KNDC1: variants seen among roughly 807,000 people sequenced by gnomAD.
KNDC1 encodes kinase non-catalytic C-lobe domain containing 1, also known as kinase non-catalytic C-lobe domain-containing protein 1.
In KNDC1, 106 loss-of-function variants were observed where a neutral mutation model predicts 172.8. The observed-to-expected ratio is 0.61, with a 90% CI of 0.52 to 0.72. KNDC1 has a LOEUF of 0.72. Among genes scored for constraint, KNDC1 ranks in the 30% least tolerant of loss-of-function variants. The pLI, the probability that KNDC1 is intolerant of heterozygous loss-of-function variation, is 0.00. For synonymous variants in KNDC1, 1,083 were observed against 1,062.2 expected, an observed-to-expected ratio of 1.02 and a Z score of -0.38; for missense variants, 2,325 against 2,394.5, an observed-to-expected ratio of 0.97 and a Z score of 0.61.
chr10:133,192,505 T>G (rs1452939969), intron 9 of KNDC1, among the ~76,000 whole-genome samples: 1 of 152,214 alleles, frequency 6.6e-6, no homozygotes, highest in Non-Finnish European at 1.5e-5. Flanking sequence ...ACTTTAAAAT[T>G]TTTAAAGCAA....
At chr10:133,176,769 G>A (rs778513333) in intron 3 of KNDC1, among the ~76,000 whole-genome samples, 4 of 152,188 alleles carry the variant, frequency 2.6e-5, no homozygotes, top group African/African-American at 9.7e-5. Flanking sequence ...CCTGGAGACC[G>A]GGGCTGTGCT....
chr10:133,161,705 A>G (rs1194772022), intron 1 of KNDC1, among the ~76,000 whole-genome samples: 6 of 152,082 alleles, frequency 3.9e-5, no homozygotes, highest in Non-Finnish European at 5.9e-5. Context: ...AGGGGAGGCA[A>G]TAAAGCTTCC....
At chr10:133,188,765 C>T (rs1277475379) in intron 7 of KNDC1, 112 bp downstream of exon 7, 3 of 586,388 alleles carry the variant, frequency 5.1e-6, no homozygotes, top group African/African-American at 2.8e-5. Context: ...GTCCCACGCC[C>T]CCCCACTGTC....
At chr10:133,170,309 G>A (rs1045279565) in intron 3 of KNDC1, among the ~76,000 whole-genome samples, 11 of 152,216 alleles carry the variant, frequency 7.2e-5, no homozygotes, top group African/African-American at 2.4e-4. Context: ...AGAACACGGT[G>A]TGAGGATCGC....
intron 14 of KNDC1, 82 bp downstream of exon 14, chr10:133,199,348 T>C: frequency 6.4e-7 from 1 of 1,559,112 alleles, no homozygotes; most frequent in Non-Finnish European, 8.7e-7. Context: ...CCCACGCCCT[T>C]CCCCCAGCCC....
chr10:133,171,426 A>G (rs1348907814), intron 3 of KNDC1, among the ~76,000 whole-genome samples: 2 of 151,976 alleles, frequency 1.3e-5, no homozygotes, highest in Non-Finnish European at 2.9e-5. Flanking sequence ...GTGCACCACC[A>G]TGTCCAGCTA....
chr10:133,185,841 G>GGGGAGGGGAGGGGT, intron 5 of KNDC1, 133 bp from the exon 6 acceptor site: 1 of 70,818 alleles, frequency 1.4e-5, no homozygotes, highest in South Asian at 1.2e-4. Context: ...GGGGAGGAGA[G>GGGGAGGGGAGGGGT]GGGAGGGGAG....
chr10:133,190,993 G>A (rs1213065106), intron 9 of KNDC1, among the ~76,000 whole-genome samples: 1 of 152,238 alleles, frequency 6.6e-6, no homozygotes, highest in African/African-American at 2.4e-5. Context: ...CACAAGCACA[G>A]AGTCAGAAAA....
At position 133,211,831 on chromosome 10, in the gene KNDC1, G is replaced by A. The variant is rs769439044; in HGVS notation, c.4209G>A (p.Arg1403=). ...DARPFNALCK[R]LSEDGISRKS... is the part of the protein sequence containing the mutation. ...GACCCTTCAACGCCCTCTGTAAGAG[G>A]CTCTCAGAGGACGGCATCTCCAGGA... is the stretch of plus-strand genomic sequence containing the variant. Residue 1403 remains arginine, a synonymous_variant, in exon 23 of 30, where the codon AGG becomes AGA. Transcript: ENST00000304613. 6 of 1,608,788 alleles carry A rather than the reference G, an allele frequency of 3.7e-6. No individual in the cohort carries two copies. Among genetic ancestry groups the A allele is most frequent in the Non-Finnish European group, 2.5e-6 (3 of 1,178,890 alleles).
chr10:133,199,711 A>T, intron 15 of KNDC1, 109 bp downstream of exon 15: 1 of 1,259,636 alleles, frequency 7.9e-7, no homozygotes, highest in South Asian at 1.4e-5. Context: ...CTCCGCTTCC[A>T]TCTCGCTGCT....
chr10:133,198,204 C>A (rs1854247179), intron 12 of KNDC1, 133 bp from the exon 13 acceptor site: 9 of 1,072,546 alleles, frequency 8.4e-6, no homozygotes, highest in Non-Finnish European at 1.2e-5. Context: ...ACAGAGGAAG[C>A]CCCCAGGGCC....
At position 133,186,177 on chromosome 10, in the gene KNDC1, G is replaced by A; in HGVS notation, c.829G>A (p.Gly277Arg). 6.3e-7 allele frequency: 1 copy of A among 1,576,660 alleles called. No individual in the cohort carries two copies. The change falls in exon 6 of 30, where the codon GGG becomes AGG. Residue 277 changes from glycine (G) to arginine (R), a missense_variant. By Grantham distance (125) the Gly-to-Arg change is moderately radical. Coordinates refer to ENST00000304613, the MANE Select transcript of KNDC1 (RefSeq NM_152643.8). ...VRNGESHSREGLAGLVLDAER... is the reference protein window; with the variant it reads ...VRNGESHSRERLAGLVLDAER... ...AAATGGCGAGAGCCACAGCCGGGAG[G>A]GGCTGGCCGGCCTCGTCCTGGATGC... is the stretch of plus-strand genomic sequence containing the variant.
At chr10:133,162,723 G>T (rs1330857833) in intron 1 of KNDC1, among the ~76,000 whole-genome samples, 2 of 152,270 alleles carry the variant, frequency 1.3e-5, no homozygotes, top group African/African-American at 4.8e-5. Flanking sequence ...TGGCAAGGAC[G>T]GCGCAGCAGC....
chr10:133,222,273 A>G (rs1177408159), intron 29 of KNDC1, among the ~76,000 whole-genome samples: 1 of 130,394 alleles, frequency 7.7e-6, no homozygotes, highest in Non-Finnish European at 1.7e-5. Flanking sequence ...ATAGAGCGAG[A>G]CTCCGTCTCA....
At chr10:133,168,194 C>G (rs1392203662) in intron 2 of KNDC1, 60 bp from the exon 3 acceptor site, 6 of 1,489,280 alleles carry the variant, frequency 4.0e-6, no homozygotes, top group Non-Finnish European at 4.7e-6. Flanking sequence ...TCTCAGCTGG[C>G]GGGTTCAGGT....
chr10:133,178,114 G>T (rs1352161278), intron 3 of KNDC1, among the ~76,000 whole-genome samples: 1 of 151,566 alleles, frequency 6.6e-6, no homozygotes, highest in Non-Finnish European at 1.5e-5. Flanking sequence ...GCGTGCATGT[G>T]TGTGGTGTGT....
Position 133,197,768 on chromosome 10 carries a change from G to A in KNDC1, c.1906G>A (p.Gly636Ser). 6.2e-7 allele frequency: 1 copy of A among 1,610,066 alleles called. No individual in the cohort carries two copies. The highest frequency in any genetic ancestry group is 8.5e-7 in the Non-Finnish European group (1 of 1,178,802). ...GGCACCAGCCCCAGAGCCCAGCCCA[G>A]GTGGGGACCTGACCAGCCCCTGCTG... ...SVAPAPEPSP[G>S]FLPVNSDTGL... The change falls in exon 12 of 30, where the codon GGC (glycine) becomes AGC (serine). Residue 636 changes from glycine to serine, a missense_variant and splice_region_variant. Coordinates refer to ENST00000304613, the MANE Select transcript of KNDC1 (RefSeq NM_152643.8).
intron 1 of KNDC1, 112 bp from the exon 2 acceptor site, chr10:133,167,269 G>T: frequency 1.0e-6 from 1 of 991,932 alleles, no homozygotes; most frequent in Non-Finnish European, 1.5e-6. Flanking sequence ...CCTGACCCAC[G>T]CGTTGAAACG....
intron 29 of KNDC1, among the ~76,000 whole-genome samples, chr10:133,220,741 C>G (rs572131803): frequency 3.9e-4 from 29 of 73,550 alleles, no homozygotes; most frequent in East Asian, 5.1e-4. Flanking sequence ...GCTCAGGCGG[C>G]CGCGCGCCCA....
Sources: allele counts gnomAD v4.1 joint callset (sites outside exome capture counted in the v4.1 genomes callset), GRCh38; gene constraint gnomAD v4.1.1; transcripts MANE v1.5; gene names NCBI Gene and HGNC (gene_info 2026-07-23, HGNC 2026-07-21).